The following KAZN variants were observed in gnomAD, a reference collection of about 807,000 sequenced individuals.
KAZN encodes the protein kazrin.
In KAZN, 40 loss-of-function variants were observed where a neutral mutation model predicts 87.4. The ratio of observed to expected loss-of-function variants is 0.46; its 90% CI spans 0.36 to 0.60. KAZN has a LOEUF of 0.60. Ranked by LOEUF, KAZN falls within the 20% of genes least tolerant of loss-of-function variation. The pLI is 0.00. For missense variants in KAZN, 898 were observed against 1,073.9 expected, an observed-to-expected ratio of 0.84 and a Z score of 2.29; for synonymous variants, 466 against 458.3, an observed-to-expected ratio of 1.02 and a Z score of -0.22.
At position 14,242,852 on chromosome 1, in the gene KAZN, C is replaced by T. The variant is rs75254496; in HGVS notation, c.249+62260C>T. On this transcript the variant is annotated intron_variant, in intron 2 of 16. Transcript: ENST00000636203. ...ATCAGAGCTGCCCAGTGTAGAATCCCGGCCCTTGTCCTTGATCTCTCAAAA... is the reference window on the plus strand; with the variant it reads ...ATCAGAGCTGCCCAGTGTAGAATCCTGGCCCTTGTCCTTGATCTCTCAAAA... Among the ~76,000 whole-genome samples, 516 of 152,174 alleles carry T rather than the reference C, an allele frequency of 3.4e-3. 3 individuals are homozygous for T. The highest frequency in any genetic ancestry group is 0.012 in the African/African-American group (481 of 41,500).
chr1:14,801,676 T>TTTTTTTTG (rs554865082), intron 1 of KAZN, among the ~76,000 whole-genome samples: 140 of 146,700 alleles, frequency 9.5e-4, no homozygotes, highest in African/African-American at 3.3e-3. Context: ...GTTTTTTTTG[T>TTTTTTTTG]TTTTTTTGTT....
chr1:15,061,194 G>C (rs1321411174), intron 6 of KAZN: 5 of 152,198 alleles, frequency 3.3e-5, no homozygotes, highest in African/African-American at 9.7e-5. Context: ...TCTACCTGGA[G>C]AACTCAAGAG....
At chr1:14,747,737 C>A (rs913876187) in intron 1 of KAZN, among the ~76,000 whole-genome samples, 1 of 152,180 alleles carries the variant, frequency 6.6e-6, no homozygotes, top group African/African-American at 2.4e-5. Flanking sequence ...AGTGGAACTG[C>A]TGGGTCACAT....
intron 1 of KAZN, among the ~76,000 whole-genome samples, chr1:14,135,667 G>A (rs896696338): frequency 2.0e-5 from 3 of 152,180 alleles, no homozygotes; most frequent in African/African-American, 7.2e-5. Flanking sequence ...ATGGAGCGAG[G>A]TCTTGTTTAA....
At chr1:14,860,126 CCTTCCTTCCTTT>C (rs569850641) in intron 1 of KAZN, among the ~76,000 whole-genome samples, 128 of 147,408 alleles carry the variant, frequency 8.7e-4, no homozygotes, top group African/African-American at 3.4e-3. Flanking sequence ...CTTCCTTCTT[CCTTCCTTCCTTT>C]CTTCCTTCCT....
chr1:14,175,319 G>T (rs763772553), intron 1 of KAZN, among the ~76,000 whole-genome samples: 3 of 152,164 alleles, frequency 2.0e-5, no homozygotes, highest in Non-Finnish European at 4.4e-5. Flanking sequence ...TAGCCAGGAT[G>T]GTCTTGATCT....
chr1:14,183,435 G>T (rs1360257044), intron 2 of KAZN, among the ~76,000 whole-genome samples: 1 of 152,120 alleles, frequency 6.6e-6, no homozygotes, highest in African/African-American at 2.4e-5. Context: ...ACCTCTATTT[G>T]CATTCCATTT....
chr1:14,288,598 T>C (rs1384493810), intron 2 of KAZN, among the ~76,000 whole-genome samples: 1 of 152,214 alleles, frequency 6.6e-6, no homozygotes, highest in African/African-American at 2.4e-5. Context: ...GCTAGTGGTC[T>C]ATCAATTTTG....
chr1:14,251,424 G>A (rs539852756), intron 2 of KAZN, among the ~76,000 whole-genome samples: 2 of 152,196 alleles, frequency 1.3e-5, no homozygotes, highest in East Asian at 3.9e-4. Context: ...TTGTTGTGTT[G>A]TTGGATCCAC....
intron 1 of KAZN, among the ~76,000 whole-genome samples, chr1:13,903,751 A>G (rs1182127104): frequency 6.6e-6 from 1 of 152,200 alleles, no homozygotes; most frequent in African/African-American, 2.4e-5. Context: ...TAGAGGAGTG[A>G]TGGGCAGGAG....
At chr1:15,012,119 G>A (rs372646140) in intron 2 of KAZN, among the ~76,000 whole-genome samples, 41 of 152,218 alleles carry the variant, frequency 2.7e-4, no homozygotes, top group African/African-American at 4.8e-4. Flanking sequence ...ACCATTCCTC[G>A]TTTTACAAAT....
chr1:14,293,675 A>G (rs1653891628), intron 2 of KAZN, among the ~76,000 whole-genome samples: 1 of 135,616 alleles, frequency 7.4e-6, no homozygotes, highest in Admixed American at 7.2e-5. Context: ...AGGTGTACAG[A>G]AAAAAAAAAA....
intron 2 of KAZN, among the ~76,000 whole-genome samples, chr1:14,543,561 T>C (rs1201507921): frequency 6.6e-6 from 1 of 152,220 alleles, no homozygotes; most frequent in African/African-American, 2.4e-5. Context: ...AAAGGTGACC[T>C]TCTTCAGATG....
At chr1:15,033,808 A>G (rs1377838191) in intron 2 of KAZN, among the ~76,000 whole-genome samples, 1 of 152,132 alleles carries the variant, frequency 6.6e-6, no homozygotes, top group Non-Finnish European at 1.5e-5. Flanking sequence ...GTGCAATCTC[A>G]GCTCACTGCA....
intron 1 of KAZN, among the ~76,000 whole-genome samples, chr1:14,650,557 G>A (rs1638296799): frequency 6.6e-6 from 1 of 152,044 alleles, no homozygotes; most frequent in Non-Finnish European, 1.5e-5. Context: ...AAAACAAACA[G>A]ATAAACAAAA....
chr1:14,085,019 A>C (rs969394659), intron 1 of KAZN, among the ~76,000 whole-genome samples: 4 of 152,104 alleles, frequency 2.6e-5, no homozygotes, highest in African/African-American at 9.7e-5. Flanking sequence ...ATTTCTTGGA[A>C]GCTCTGAGGT....
At chr1:14,406,907 G>A (rs1286380332) in intron 2 of KAZN, among the ~76,000 whole-genome samples, 1 of 152,168 alleles carries the variant, frequency 6.6e-6, no homozygotes, top group Non-Finnish European at 1.5e-5. Context: ...TAGGCTTGAA[G>A]TGAGGAATAA....
chr1:14,835,335 C>A (rs1261278178), intron 1 of KAZN, among the ~76,000 whole-genome samples: 1 of 152,118 alleles, frequency 6.6e-6, no homozygotes, highest in Non-Finnish European at 1.5e-5. Context: ...TACCGCAGAG[C>A]AAATTCAAAA....
intron 2 of KAZN, among the ~76,000 whole-genome samples, chr1:15,016,008 C>T (rs1256303383): frequency 1.3e-5 from 2 of 152,184 alleles, no homozygotes; most frequent in Non-Finnish European, 2.9e-5. Flanking sequence ...AACCTGTGCA[C>T]ATGGCCTCAT....
Sources: allele counts gnomAD v4.1 joint callset (sites outside exome capture counted in the v4.1 genomes callset), GRCh38; gene constraint gnomAD v4.1.1; transcripts MANE v1.5; gene names NCBI Gene and HGNC (gene_info 2026-07-23, HGNC 2026-07-21).